The following FGF23 variants were observed in gnomAD, a reference collection of about 807,000 sequenced individuals.
The protein encoded by FGF23 is phosphatonin.
A neutral mutation model predicts 9.0 loss-of-function variants in FGF23; 8 were observed. The observed-to-expected ratio is 0.89, with a 90% CI of 0.52 to 1.60. The LOEUF (loss-of-function observed/expected upper bound fraction) is 1.60, where lower values mean the gene tolerates loss of function less well. Among genes scored for constraint, FGF23 ranks in the 40% most tolerant of loss-of-function variants. The probability of loss-of-function intolerance (pLI) is 0.00; values close to 1 mark genes in which losing one functional copy is unlikely to be tolerated. For synonymous variants in FGF23, 118 were observed against 146.2 expected, an observed-to-expected ratio of 0.81 and a Z score of 1.39; for missense variants, 311 against 344.3, an observed-to-expected ratio of 0.90 and a Z score of 0.77.
rs577039288 is a variant in FGF23, at chr12:4,373,608, G to A, written c.212-911C>T. On this transcript the variant is annotated intron_variant, in intron 1 of 2. Coordinates refer to ENST00000237837, the MANE Select transcript of FGF23 (RefSeq NM_020638.3). ...TGTCCCCTCTCAAAAACTAGTCTCC[G>A]ACAAGGGCCTGAAACCCATTCACAC... 4.6e-5 allele frequency among the ~76,000 whole-genome samples: 7 copies of A among 152,190 alleles called. No individual in the cohort carries two copies. In the South Asian group the frequency reaches 8.3e-4, roughly 18 times the overall value.
chr12:4,377,452 A>G (rs11063120), intron 1 of FGF23, among the ~76,000 whole-genome samples: 79,297 of 104,242 alleles, frequency 0.76, 30,594 homozygotes, highest in Middle Eastern at 0.88. Context: ...TTTTTTTGAG[A>G]TGGAGTCTCG....
Position 4,370,684 on chromosome 12 carries a change from C to T in FGF23, c.415G>A (p.Gly139Ser), listed in dbSNP as rs751688794. The change falls in exon 3 of 3, where the codon GGC (glycine) becomes AGC (serine). Residue 139 changes from glycine (G) to serine (S), a missense_variant. Coordinates refer to ENST00000237837, the MANE Select transcript of FGF23 (RefSeq NM_020638.3). ...GGCAGGAAGGCTCTCTTCGCCCGGC[C>T]CAGACTGACCAGGAAGTGATACTGA... is the stretch of plus-strand genomic sequence containing the variant. ...SPQYHFLVSL[G>S]RAKRAFLPGM... 1 of 1,614,118 alleles carries T rather than the reference C, an allele frequency of 6.2e-7. No homozygotes were observed. The highest frequency in any genetic ancestry group is 1.1e-5 in the South Asian group (1 of 91,074).
At chr12:4,377,947 C>T (rs1028714309) in intron 1 of FGF23, among the ~76,000 whole-genome samples, 8 of 152,268 alleles carry the variant, frequency 5.3e-5, no homozygotes, top group African/African-American at 1.7e-4. Flanking sequence ...AACAACACTT[C>T]GGGTGCATCA....
At chr12:4,373,603 T>C (rs1865085971) in intron 1 of FGF23, among the ~76,000 whole-genome samples, 1 of 152,138 alleles carries the variant, frequency 6.6e-6, no homozygotes, top group Non-Finnish European at 1.5e-5. Context: ...CAAAAACTAG[T>C]CTCCGACAAG....
At chr12:4,377,677 G>C (rs1865133638) in intron 1 of FGF23, among the ~76,000 whole-genome samples, 1 of 146,332 alleles carries the variant, frequency 6.8e-6, no homozygotes, top group African/African-American at 2.5e-5. Context: ...TGATCTGCCT[G>C]CCTCGGCCTC....
chr12:4,374,050 CA>C (rs1865091827), intron 1 of FGF23, among the ~76,000 whole-genome samples: 2 of 152,132 alleles, frequency 1.3e-5, no homozygotes, highest in Admixed American at 1.3e-4. Context: ...GGAAAATAAG[CA>C]GCAATAATTA....
At chr12:4,371,498 T>G (rs975893904) in intron 2 of FGF23, among the ~76,000 whole-genome samples, 3 of 152,046 alleles carry the variant, frequency 2.0e-5, no homozygotes, top group Non-Finnish European at 4.4e-5. Flanking sequence ...ACAGAAAGTC[T>G]CTGTTCTTGT....
At position 4,372,679 on chromosome 12, in the gene FGF23, G is replaced by A; in HGVS notation, c.230C>T (p.Ser77Leu). Residue 77 changes from serine to leucine, a missense_variant, in exon 2 of 3, where the codon TCA becomes TTA. This residue lies in a region of FGF23 where 102 missense variants were observed against 108.2 expected (regional missense o/e 0.94). Transcript: ENST00000237837. The part of the protein sequence containing the change: ...QTIYSALMIR[S>L]EDAGFVVITG... Reference sequence around the variant, plus strand: ...AATCACCACAAAGCCAGCATCCTCTGATCTGATCATCAGGGCACCTATGGA... The same window carrying A: ...AATCACCACAAAGCCAGCATCCTCTAATCTGATCATCAGGGCACCTATGGA... The A allele has an allele frequency of 3.7e-6, 6 of 1,612,136 alleles. No homozygotes were observed. The highest frequency in any genetic ancestry group is 5.1e-6 in the Non-Finnish European group (6 of 1,178,254).
At chr12:4,373,014 C>G (rs1280957772) in intron 1 of FGF23, among the ~76,000 whole-genome samples, 1 of 152,136 alleles carries the variant, frequency 6.6e-6, no homozygotes, top group Non-Finnish European at 1.5e-5. Flanking sequence ...TTTATTTTCC[C>G]TTTTGCCTTA....
intron 1 of FGF23, among the ~76,000 whole-genome samples, chr12:4,373,342 C>T (rs1263628018): frequency 6.6e-6 from 1 of 152,226 alleles, no homozygotes; most frequent in African/African-American, 2.4e-5. Context: ...CTTCTCAGCT[C>T]CTCAGGACAA....
At position 4,370,347 on chromosome 12, in the gene FGF23, A is replaced by G; in HGVS notation, c.752T>C (p.Ile251Thr). Residue 251 changes from isoleucine to threonine, a missense_variant, in exon 3 of 3, where the codon ATC becomes ACC. Around this residue, in one of 3 missense-constraint regions of FGF23, gnomAD observed 206 missense variants for 219.2 expected, o/e 0.94. Coordinates refer to ENST00000237837, the MANE Select transcript of FGF23 (RefSeq NM_020638.3). ...GAGGGTGCCCTTCCAGCGACCCTAG[A>G]TGAACTTGGCGAAGGGGCGGCAGCC... ...PEGCRPFAKF[I>T] is the part of the protein sequence containing the mutation. 6.2e-7 allele frequency: 1 copy of G among 1,613,094 alleles called. No homozygotes were observed. The highest frequency in any genetic ancestry group is 2.2e-5 in the East Asian group (1 of 44,870).
intron 1 of FGF23, among the ~76,000 whole-genome samples, chr12:4,373,556 C>T (rs1407034637): frequency 6.6e-6 from 1 of 152,164 alleles, no homozygotes; most frequent in African/African-American, 2.4e-5. Flanking sequence ...GTGACCTCTC[C>T]AGGTGCAGCC....
chr12:4,377,315 G>A (rs907513039), intron 1 of FGF23, among the ~76,000 whole-genome samples: 15 of 151,714 alleles, frequency 9.9e-5, no homozygotes, highest in African/African-American at 3.2e-4. Context: ...TCCAGGATTC[G>A]AGACAAGTTG....
At chr12:4,374,099 T>C (rs1317130400) in intron 1 of FGF23, among the ~76,000 whole-genome samples, 2 of 152,010 alleles carry the variant, frequency 1.3e-5, no homozygotes, top group Admixed American at 6.6e-5. Context: ...GGGACTGAAA[T>C]TGGACTGACG....
chr12:4,379,415 G>A lies in FGF23; in HGVS notation c.168C>T (p.His56=). ...GTGCGCCATCCACATGGCCATTCTT[G>A]TGGATCTGCAGGTGGTAGCTGTTCC... ...TARNSYHLQI[H]KNGHVDGAPH... Residue 56 remains histidine (H), a synonymous_variant, in exon 1 of 3, where the codon CAC becomes CAT. Coordinates refer to ENST00000237837, the MANE Select transcript of FGF23 (RefSeq NM_020638.3). The A allele has an allele frequency of 1.2e-6, 2 of 1,613,346 alleles. No homozygotes were observed. Among genetic ancestry groups the A allele is most frequent in the South Asian group, 2.2e-5 (2 of 91,082 alleles).
chr12:4,379,523 GC>G lies in FGF23; in HGVS notation c.59del (p.Ser20ThrfsTer20), dbSNP rs1865155544. The G allele has an allele frequency of 1.9e-6, 3 of 1,612,360 alleles. No homozygotes were observed. In the African/African-American group the frequency reaches 4.0e-5, roughly 22 times the overall value. On this transcript the variant is annotated frameshift_variant, in exon 1 of 3. Transcript: ENST00000237837. LOFTEE classifies it high-confidence loss of function. ...AGGCATTGGGATAGGCTCTGAGGAC[GC>G]TCATGCTGCAGACGCTGCACAAGGC... ...VCALCSVCSM[S>X]VLRAYPNASP...
chr12:4,377,422 C>CTTTTTT (rs11397562), intron 1 of FGF23, among the ~76,000 whole-genome samples: 13 of 69,530 alleles, frequency 1.9e-4, no homozygotes, highest in Non-Finnish European at 2.5e-4. Flanking sequence ...CACATATAGT[C>CTTTTTT]TTTTTTTTTT....
Position 4,368,914 on chromosome 12 carries a change from T to A in FGF23, c.*1429A>T, listed in dbSNP as rs11063112. The A allele has an allele frequency of 0.23, 51,193 of 221,966 alleles. 6,476 individuals are homozygous for A. The highest frequency in any genetic ancestry group is 0.28 in the Admixed American group (4,956 of 17,408). 13.7% of individuals were successfully genotyped at this position (221,966 alleles called of 1,614,324 possible). A position where few individuals can be genotyped will look rare whatever the true frequency, so the allele number is the denominator to read the frequency against. ...TAACCAAAAAGAATAGATCAAAGTA[T>A]AAGGTTAGTATGTGATGGCAGTGAG... On this transcript the variant is annotated 3_prime_UTR_variant, in exon 3 of 3. Coordinates refer to ENST00000237837, the MANE Select transcript of FGF23 (RefSeq NM_020638.3).
intron 1 of FGF23, among the ~76,000 whole-genome samples, chr12:4,377,719 C>T (rs559538265): frequency 0.019 from 1,276 of 66,678 alleles, 16 homozygotes; most frequent in African/African-American, 0.043. Flanking sequence ...CGTGAGCCAC[C>T]ACACCTGGCC....
Sources: allele counts gnomAD v4.1 joint callset (sites outside exome capture counted in the v4.1 genomes callset), GRCh38; gene constraint gnomAD v4.1.1; regional missense constraint gnomAD v4.1.1; transcripts MANE v1.5; gene names NCBI Gene and HGNC (gene_info 2026-07-23, HGNC 2026-07-21).